COL5A1: variants seen among roughly 807,000 people sequenced by gnomAD.
COL5A1 encodes collagen type V alpha 1 chain, also known as collagen alpha-1(V) chain.
COL5A1 carries 16 observed loss-of-function variants against 263.7 expected under a neutral mutation model. The observed-to-expected ratio is 0.06, with a 90% CI of 0.04 to 0.09. The LOEUF (loss-of-function observed/expected upper bound fraction) is 0.09. Among genes scored for constraint, COL5A1 ranks in the 10% least tolerant of loss-of-function variants. The pLI, the probability that COL5A1 is intolerant of heterozygous loss-of-function variation, is 1.00. For synonymous variants in COL5A1, 1,012 were observed against 1,004.5 expected, an observed-to-expected ratio of 1.01 and a Z score of -0.14; for missense variants, 2,036 against 2,540.5, an observed-to-expected ratio of 0.80 and a Z score of 4.27.
chr9:134,801,214 T>G (rs1385113070), intron 37 of COL5A1, among the ~76,000 whole-genome samples: 1 of 152,204 alleles, frequency 6.6e-6, no homozygotes, highest in Admixed American at 6.5e-5. Context: ...TGCCGAGTTA[T>G]GAAAGCAGCT....
In COL5A1 at chr9:134,680,118, G is replaced by A. The variant is rs762864028; in HGVS notation, c.110-10794G>A. ...TGTCATCTTCAGGAAGGACTACCCCGGAGGCCCTTTGGACGGGCCCTTCAT... is the reference window on the plus strand; with the variant it reads ...TGTCATCTTCAGGAAGGACTACCCCAGAGGCCCTTTGGACGGGCCCTTCAT... On this transcript the variant is annotated intron_variant, in intron 1 of 65. Coordinates refer to ENST00000371817, the MANE Select transcript of COL5A1 (RefSeq NM_000093.5). The surrounding 1 kb of genome is among the most constrained non-coding windows in gnomAD (Gnocchi z 5.9). Among the ~76,000 whole-genome samples, 6 of 152,108 alleles carry A rather than the reference G, an allele frequency of 3.9e-5. No homozygotes were observed. Among genetic ancestry groups the A allele is most frequent in the Admixed American group, 3.9e-4 (6 of 15,284 alleles).
chr9:134,687,252 CTGAT>C (rs891374882), intron 1 of COL5A1, among the ~76,000 whole-genome samples: 3 of 152,200 alleles, frequency 2.0e-5, no homozygotes, highest in Non-Finnish European at 4.4e-5. Context: ...ATGAGTCTCT[CTGAT>C]TGGCAGATTC....
intron 1 of COL5A1, among the ~76,000 whole-genome samples, chr9:134,684,079 G>C (rs986355989): frequency 6.6e-6 from 1 of 152,214 alleles, no homozygotes; most frequent in Non-Finnish European, 1.5e-5. Context: ...GTTGTTGGTG[G>C]AGAAGCGTTC....
At chr9:134,707,345 C>T (rs989685912) in intron 4 of COL5A1, among the ~76,000 whole-genome samples, 5 of 152,240 alleles carry the variant, frequency 3.3e-5, no homozygotes, top group Non-Finnish European at 5.9e-5. Flanking sequence ...CAAGCTCTAA[C>T]GGTCCTCCAT....
At chr9:134,828,636 C>T (rs1460136230) in intron 63 of COL5A1, among the ~76,000 whole-genome samples, 14 of 151,490 alleles carry the variant, frequency 9.2e-5, no homozygotes, top group Non-Finnish European at 1.6e-4. Flanking sequence ...ACCACACACA[C>T]GATAAACACC....
At position 134,802,870 on chromosome 9, in the gene COL5A1, C is replaced by T. The variant is rs775358866; in HGVS notation, c.3007-18C>T. 1.3e-6 allele frequency: 2 copies of T among 1,583,524 alleles called. No homozygotes were observed. Among genetic ancestry groups the T allele is most frequent in the Non-Finnish European group, 1.7e-6 (2 of 1,154,554 alleles). ...AGTCACTCGAAACGTCTGTGGCTGA[C>T]ACTGATTTTCCCCACAGGGTCCCAC... On this transcript the variant is annotated intron_variant, in intron 38 of 65. Transcript: ENST00000371817.
intron 1 of COL5A1, among the ~76,000 whole-genome samples, chr9:134,664,152 T>C (rs963288000): frequency 2.0e-5 from 3 of 152,132 alleles, no homozygotes; most frequent in African/African-American, 7.2e-5. Context: ...TGGGCTAGAG[T>C]GTTGCAGAAT....
intron 9 of COL5A1, among the ~76,000 whole-genome samples, chr9:134,734,809 A>G (rs561374726): frequency 1.9e-4 from 29 of 152,264 alleles, no homozygotes; most frequent in African/African-American, 6.7e-4. Context: ...TCCACTTGAC[A>G]CTGTTTTTTG....
At chr9:134,649,387 C>T (rs1410670309) in intron 1 of COL5A1, 2 of 422,080 alleles carry the variant, frequency 4.7e-6, no homozygotes, top group Admixed American at 6.8e-5. Context: ...GCCTGACCCA[C>T]TTTTCTCAAA....
intron 11 of COL5A1, among the ~76,000 whole-genome samples, chr9:134,745,359 C>G (rs761868552): frequency 6.6e-6 from 1 of 152,206 alleles, no homozygotes; most frequent in Non-Finnish European, 1.5e-5. Flanking sequence ...GCCAAGTGCA[C>G]TATGCTGTAG....
intron 1 of COL5A1, among the ~76,000 whole-genome samples, chr9:134,648,288 C>CCA (rs1831542346): frequency 7.1e-6 from 1 of 141,418 alleles, no homozygotes; most frequent in Non-Finnish European, 1.5e-5. Context: ...TAATAAACTC[C>CCA]TATATATATA....
chr9:134,659,554 T>C (rs911841064), intron 1 of COL5A1, among the ~76,000 whole-genome samples: 1 of 152,166 alleles, frequency 6.6e-6, no homozygotes, highest in Non-Finnish European at 1.5e-5. Context: ...GCACTTTTTT[T>C]CTTTGGGGTC....
intron 64 of COL5A1, among the ~76,000 whole-genome samples, chr9:134,831,728 G>A (rs1385263561): frequency 6.6e-6 from 1 of 152,206 alleles, no homozygotes; most frequent in Non-Finnish European, 1.5e-5. Flanking sequence ...TCCAAAATGG[G>A]AAAAGCAGAA....
In COL5A1 at chr9:134,730,507, G is replaced by T. The variant is rs765469091; in HGVS notation, c.1164+32G>T. 9.3e-6 allele frequency: 15 copies of T among 1,613,016 alleles called. No individual in the cohort carries two copies. The East Asian group carries it at 2.2e-4, about 24-fold the overall frequency. On this transcript the variant is annotated intron_variant, in intron 7 of 65. Coordinates refer to ENST00000371817, the MANE Select transcript of COL5A1 (RefSeq NM_000093.5). Reference sequence around the variant, plus strand: ...TCTTTCCTTCCCATTGGTTTGGTCTGGGGCAGTGGGCCAAGGGCCAGGGCT... The same window carrying T: ...TCTTTCCTTCCCATTGGTTTGGTCTTGGGCAGTGGGCCAAGGGCCAGGGCT...
rs549304534 is a variant in COL5A1, at chr9:134,678,095, G to A, written c.110-12817G>A. On this transcript the variant is annotated intron_variant, in intron 1 of 65. Coordinates refer to ENST00000371817, the MANE Select transcript of COL5A1 (RefSeq NM_000093.5). This position sits in a 1 kb window ranked among gnomAD's most constrained non-coding sequence, Gnocchi z 5.5. ...CCCAGCGTCACTCCCTCCGCAGCAG[G>A]GTATCTGCAGGGGTCTTGGAGGCAT... Among the ~76,000 whole-genome samples the A allele has an allele frequency of 6.6e-6, 1 of 152,314 alleles. No homozygotes were observed. The highest frequency in any genetic ancestry group is 1.5e-5 in the Non-Finnish European group (1 of 68,028).
chr9:134,692,500 C>A (rs1216183083), intron 2 of COL5A1, among the ~76,000 whole-genome samples: 1 of 152,160 alleles, frequency 6.6e-6, no homozygotes. Context: ...GAATTCGTGA[C>A]CTAGAGATCC....
Position 134,789,219 on chromosome 9 carries a change from C to T in COL5A1, c.2700+11C>T, listed in dbSNP as rs1288182027. On this transcript the variant is annotated intron_variant, in intron 32 of 65. Coordinates refer to ENST00000371817, the MANE Select transcript of COL5A1 (RefSeq NM_000093.5). This position sits in a 1 kb window ranked among gnomAD's most constrained non-coding sequence, Gnocchi z 4.8. ...GAGAAGGGCGGCAGGGTAAGGATAGCCTGGCCCCTGGGCAGGCAGCTTGTT... is the reference window on the plus strand; with the variant it reads ...GAGAAGGGCGGCAGGGTAAGGATAGTCTGGCCCCTGGGCAGGCAGCTTGTT... 3 of 1,611,736 alleles carry T rather than the reference C, an allele frequency of 1.9e-6. No individual in the cohort carries two copies. The highest frequency in any genetic ancestry group is 1.7e-5 in the Admixed American group (1 of 59,984).
chr9:134,800,363 C>G (rs924202068), intron 37 of COL5A1, among the ~76,000 whole-genome samples: 3 of 152,182 alleles, frequency 2.0e-5, no homozygotes, highest in African/African-American at 4.8e-5. Flanking sequence ...ACTTCTGACC[C>G]CATAAGTGCA....
chr9:134,830,281 C>T (rs1839553202), intron 64 of COL5A1: 5 of 1,161,530 alleles, frequency 4.3e-6, no homozygotes, highest in Non-Finnish European at 5.0e-6. Flanking sequence ...CCACACCGCT[C>T]TTGCCAAACC....
Sources: allele counts gnomAD v4.1 joint callset (sites outside exome capture counted in the v4.1 genomes callset), GRCh38; gene constraint gnomAD v4.1.1; non-coding constraint Gnocchi (gnomAD v3.1); transcripts MANE v1.5; gene names NCBI Gene and HGNC (gene_info 2026-07-23, HGNC 2026-07-21).